TRIM5: variants seen among roughly 807,000 people sequenced by gnomAD.
TRIM5 encodes tripartite motif containing 5, also known as tripartite motif-containing protein 5.
TRIM5 carries 31 observed loss-of-function variants against 35.6 expected under a neutral mutation model. The observed-to-expected ratio is 0.87, with a 90% CI of 0.65 to 1.18. TRIM5 has a LOEUF of 1.18. TRIM5 is among the 50% of genes most tolerant of loss of function. The pLI, the probability that TRIM5 is intolerant of heterozygous loss-of-function variation, is 0.00. For missense variants in TRIM5, 609 were observed against 591.6 expected (o/e 1.03, Z -0.31); for synonymous variants, 243 against 215.6 (o/e 1.13, Z -1.11).
At chr11:5,603,347 A>G in the TRIM5 span, 1 of 1,613,952 alleles carries the variant, frequency 6.2e-7, no homozygotes, top group Non-Finnish European at 8.5e-7. Context: ...ATACGAGAAG[A>G]GGTGACCTGC....
intron 1 of TRIM5, among the ~76,000 whole-genome samples, chr11:5,681,821 C>T (rs540131217): frequency 1.3e-5 from 2 of 152,082 alleles, no homozygotes; most frequent in East Asian, 1.9e-4. Context: ...TTTTTTGAGA[C>T]GGAGTCTTGC....
the TRIM5 span, among the ~76,000 whole-genome samples, chr11:5,622,394 G>A: frequency 3.3e-5 from 5 of 150,112 alleles, no homozygotes; most frequent in South Asian, 2.1e-4. Context: ...GTAGTGAGCC[G>A]AGATCACGCC....
At chr11:5,599,878 G>A in the TRIM5 span, among the ~76,000 whole-genome samples, 1 of 152,142 alleles carries the variant, frequency 6.6e-6, no homozygotes, top group Admixed American at 6.5e-5. Flanking sequence ...GGGGCACCTG[G>A]AAGATAAATA....
the TRIM5 span, among the ~76,000 whole-genome samples, chr11:5,623,134 T>A: frequency 7.0e-6 from 1 of 141,924 alleles, no homozygotes; most frequent in East Asian, 2.1e-4. Context: ...TTTATCTTAG[T>A]AGCTGTCTTT....
chr11:5,604,700 G>A, the TRIM5 span: 3 of 1,512,862 alleles, frequency 2.0e-6, no homozygotes. Context: ...GAGGGCAAAG[G>A]AGTCCTTGTC....
chr11:5,608,806 A>T, the TRIM5 span, among the ~76,000 whole-genome samples: 5 of 147,220 alleles, frequency 3.4e-5, no homozygotes, highest in Admixed American at 6.8e-5. Flanking sequence ...TCTTAAGTTT[A>T]TAGTTACCTC....
chr11:5,629,997 C>T, the TRIM5 span, among the ~76,000 whole-genome samples: 16 of 152,286 alleles, frequency 1.1e-4, no homozygotes, highest in South Asian at 3.1e-3. Flanking sequence ...TGAGCCACCG[C>T]GCCCGGCCTC....
chr11:5,599,202 T>C, the TRIM5 span, among the ~76,000 whole-genome samples: 31 of 152,192 alleles, frequency 2.0e-4, no homozygotes, highest in Non-Finnish European at 4.1e-4. Context: ...GTTAGTGATG[T>C]CATGGATTCT....
the TRIM5 span, chr11:5,634,514 CACACACACACACACACAT>C: frequency 1.1e-5 from 6 of 547,136 alleles, no homozygotes; most frequent in South Asian, 4.6e-5. Context: ...CACACACACA[CACACACACACACACACAT>C]ATATATATAT....
At chr11:5,669,189 C>T (rs1293092609) in intron 4 of TRIM5, among the ~76,000 whole-genome samples, 1 of 151,548 alleles carries the variant, frequency 6.6e-6, no homozygotes, top group Non-Finnish European at 1.5e-5. Context: ...AAGCGATTCT[C>T]CTGCCTCAGC....
chr11:5,683,377 G>C (rs914344903), intron 1 of TRIM5, among the ~76,000 whole-genome samples: 2 of 152,186 alleles, frequency 1.3e-5, no homozygotes, highest in African/African-American at 4.8e-5. Context: ...TCCTGAGTCT[G>C]GTGGGGACTT....
chr11:5,610,004 C>A, the TRIM5 span: 2 of 769,598 alleles, frequency 2.6e-6, no homozygotes, highest in Admixed American at 2.7e-5. Context: ...GCTCCAGTGC[C>A]AGGGCTGTTT....
chr11:5,604,962 A>G, the TRIM5 span, among the ~76,000 whole-genome samples: 2 of 152,146 alleles, frequency 1.3e-5, no homozygotes, highest in Non-Finnish European at 2.9e-5. Context: ...AAATGCAGGT[A>G]AGGCTTGTGA....
At chr11:5,651,201 C>A in the TRIM5 span, among the ~76,000 whole-genome samples, 21 of 152,288 alleles carry the variant, frequency 1.4e-4, no homozygotes, top group East Asian at 4.0e-3. Flanking sequence ...TTTCCATACA[C>A]CTCACACCAC....
chr11:5,620,393 G>T, the TRIM5 span, among the ~76,000 whole-genome samples: 1 of 151,288 alleles, frequency 6.6e-6, no homozygotes, highest in Non-Finnish European at 1.5e-5. Context: ...TGGCCAGATT[G>T]GTCTCGAATT....
At chr11:5,640,057 A>T in the TRIM5 span, among the ~76,000 whole-genome samples, 1 of 152,216 alleles carries the variant, frequency 6.6e-6, no homozygotes, top group African/African-American at 2.4e-5. Context: ...CTGTTGTGGT[A>T]TCAAATACTA....
At chr11:5,666,182 C>G in intron 5 of TRIM5, 101 bp from the exon 6 acceptor site, 1 of 991,056 alleles carries the variant, frequency 1.0e-6, no homozygotes, top group Non-Finnish European at 1.5e-6. Context: ...GGCACTTGAA[C>G]TCTCTTCTTG....
At chr11:5,604,443 G>T in the TRIM5 span, 3 of 1,390,452 alleles carry the variant, frequency 2.2e-6, no homozygotes, top group Non-Finnish European at 2.9e-6. Flanking sequence ...TTCTTTTGAG[G>T]TTAGCAGAAT....
At chr11:5,654,019 T>C in the TRIM5 span, among the ~76,000 whole-genome samples, 3 of 152,112 alleles carry the variant, frequency 2.0e-5, no homozygotes, top group African/African-American at 7.2e-5. Flanking sequence ...CTTTTTATGG[T>C]GTCTGTCTCT....
Sources: allele counts gnomAD v4.1 joint callset (sites outside exome capture counted in the v4.1 genomes callset), GRCh38; gene constraint gnomAD v4.1.1; transcripts MANE v1.5; gene names NCBI Gene and HGNC (gene_info 2026-07-23, HGNC 2026-07-21).